The following SLIT3 variants were observed in gnomAD, a reference collection of about 807,000 sequenced individuals.
The protein encoded by SLIT3 is slit guidance ligand 3.
Under a neutral mutation model 184.0 loss-of-function variants are expected in SLIT3, and 68 were observed. The ratio of observed to expected loss-of-function variants is 0.37; its 90% confidence interval spans 0.30 to 0.45. The LOEUF (loss-of-function observed/expected upper bound fraction) is 0.45. SLIT3 is among the 20% of genes least tolerant of loss of function. The pLI, the probability that SLIT3 is intolerant of heterozygous loss-of-function variation, is 1.00. For synonymous variants in SLIT3, 831 were observed against 828.6 expected, an observed-to-expected ratio of 1.00 and a Z score of -0.05; for missense variants, 1,707 against 2,026.0, an observed-to-expected ratio of 0.84 and a Z score of 3.02.
intron 4 of SLIT3, among the ~76,000 whole-genome samples, chr5:169,006,601 T>A (rs534186010): frequency 0.034 from 5,035 of 148,700 alleles, 110 homozygotes; most frequent in Middle Eastern, 0.059. Flanking sequence ...TCTCTCTCTC[T>A]CTCTCACACA....
At chr5:168,911,956 T>C (rs777703935) in intron 4 of SLIT3, among the ~76,000 whole-genome samples, 2 of 152,230 alleles carry the variant, frequency 1.3e-5, no homozygotes, top group Non-Finnish European at 2.9e-5. Context: ...CACTGCCATG[T>C]ATGAAGTATA....
chr5:169,224,377 A>ATTTTTT (rs759020436), intron 3 of SLIT3, among the ~76,000 whole-genome samples: 1 of 90,442 alleles, frequency 1.1e-5, no homozygotes, highest in African/African-American at 3.9e-5. Flanking sequence ...TTATTTATTT[A>ATTTTTT]TTTATTTATT....
intron 4 of SLIT3, among the ~76,000 whole-genome samples, chr5:169,034,912 AGTGTGTGTGTGTGTGTGTGTGTGT>A (rs112102059): frequency 3.8e-5 from 5 of 132,416 alleles, no homozygotes; most frequent in Admixed American, 7.6e-5. Context: ...ACGCCCAGCT[AGTGTGTGTGTGTGTGTGTGTGTGT>A]GTGTGTGTGT....
chr5:169,136,132 T>C (rs982527716), intron 4 of SLIT3, among the ~76,000 whole-genome samples: 2 of 152,172 alleles, frequency 1.3e-5, no homozygotes, highest in Admixed American at 6.5e-5. Flanking sequence ...AGACTGGACA[T>C]CACAGTCAGA....
chr5:169,169,779 TGAG>T (rs1306827266), intron 4 of SLIT3, among the ~76,000 whole-genome samples: 10 of 152,328 alleles, frequency 6.6e-5, no homozygotes, highest in South Asian at 2.1e-4. Flanking sequence ...ACGACCTGAC[TGAG>T]GAGATGAAAT....
intron 3 of SLIT3, among the ~76,000 whole-genome samples, chr5:169,193,990 T>C (rs1763656538): frequency 6.6e-6 from 1 of 151,838 alleles, no homozygotes; most frequent in Non-Finnish European, 1.5e-5. Flanking sequence ...TCCCAGTACT[T>C]TGAGAGGCTG....
At chr5:168,748,193 C>T in intron 20 of SLIT3, 109 bp downstream of exon 20, 5 of 1,274,084 alleles carry the variant, frequency 3.9e-6, no homozygotes, top group South Asian at 2.0e-5. Flanking sequence ...GTAGGGTCTC[C>T]CCCCGGCAGT....
intron 4 of SLIT3, among the ~76,000 whole-genome samples, chr5:168,914,882 G>T (rs1480626742): frequency 6.6e-6 from 1 of 152,036 alleles, no homozygotes; most frequent in Non-Finnish European, 1.5e-5. Flanking sequence ...AGAGGACATT[G>T]GGGGGTAAAA....
chr5:169,033,427 C>T (rs758935572), intron 4 of SLIT3, among the ~76,000 whole-genome samples: 42 of 152,114 alleles, frequency 2.8e-4, no homozygotes, highest in Non-Finnish European at 7.4e-5. Flanking sequence ...CTTTATGAGG[C>T]GGTGATTTCA....
intron 6 of SLIT3, among the ~76,000 whole-genome samples, chr5:168,826,695 C>T (rs1419529469): frequency 6.6e-6 from 1 of 152,210 alleles, no homozygotes; most frequent in Non-Finnish European, 1.5e-5. Flanking sequence ...TTACTGATAA[C>T]TGCTAACATT....
At chr5:168,900,101 A>C (rs146257430) in intron 4 of SLIT3, among the ~76,000 whole-genome samples, 223 of 152,360 alleles carry the variant, frequency 1.5e-3, no homozygotes, top group African/African-American at 4.6e-3. Flanking sequence ...ATCATACCCC[A>C]GTTAGAATGG....
At chr5:168,770,086 C>A (rs1389478477) in intron 14 of SLIT3, among the ~76,000 whole-genome samples, 2 of 152,226 alleles carry the variant, frequency 1.3e-5, no homozygotes, top group African/African-American at 4.8e-5. Context: ...CACCCTGCAA[C>A]TGCCAAGTGC....
At chr5:168,906,820 G>A (rs1761069480) in intron 4 of SLIT3, among the ~76,000 whole-genome samples, 1 of 152,012 alleles carries the variant, frequency 6.6e-6, no homozygotes. Context: ...CTTTGTCCTT[G>A]GGAGCAAGGC....
At chr5:168,763,227 G>A (rs1324624328) in intron 14 of SLIT3, among the ~76,000 whole-genome samples, 2 of 152,068 alleles carry the variant, frequency 1.3e-5, no homozygotes, top group African/African-American at 2.4e-5. Context: ...GTAATAAAAC[G>A]AGTACAGGCC....
intron 32 of SLIT3, among the ~76,000 whole-genome samples, chr5:168,683,124 G>C (rs1230123711): frequency 6.6e-6 from 1 of 152,040 alleles, no homozygotes; most frequent in East Asian, 1.9e-4. Flanking sequence ...CCAGCACTTT[G>C]GGAGGCTGAG....
At chr5:169,271,613 G>A (rs1766618457) in intron 1 of SLIT3, among the ~76,000 whole-genome samples, 1 of 152,158 alleles carries the variant, frequency 6.6e-6, no homozygotes, top group African/African-American at 2.4e-5. Context: ...ACACAAGCAC[G>A]TGGATGGACA....
intron 4 of SLIT3, among the ~76,000 whole-genome samples, chr5:169,064,587 C>T (rs186599936): frequency 1.0e-3 from 153 of 152,348 alleles, no homozygotes; most frequent in Non-Finnish European, 1.8e-3. Flanking sequence ...GGTTCTTCTG[C>T]TGCCAAATTT....
chr5:168,666,628 T>C lies in SLIT3; in HGVS notation c.4398A>G (p.Ser1466=), dbSNP rs374844101. 3.1e-6 allele frequency: 5 copies of C among 1,614,078 alleles called. No individual in the cohort carries two copies. Among genetic ancestry groups the C allele is most frequent in the Admixed American group, 1.7e-5 (1 of 60,008 alleles). ...EVIRRQKGYA[S]CATASKVPIM... ...TGGGCACCTTGGAGGCTGTGGCACA[T>C]GATGCATAACCTTTCTGGCGGCGGA... Residue 1466 remains serine (S), a synonymous_variant, in exon 36 of 36, where the codon TCA becomes TCG. Transcript: ENST00000519560.
At chr5:168,733,023 C>T (rs1763332998) in intron 20 of SLIT3, among the ~76,000 whole-genome samples, 1 of 151,928 alleles carries the variant, frequency 6.6e-6, no homozygotes, top group Non-Finnish European at 1.5e-5. Flanking sequence ...AAACAGACAA[C>T]CTGCAGGATG....
Sources: gnomAD v4.1 joint callset for allele counts (sites outside exome capture counted in the v4.1 genomes callset) on GRCh38, gnomAD v4.1.1 for gene constraint, MANE v1.5 for transcripts, NCBI Gene and HGNC (gene_info 2026-07-23, HGNC 2026-07-21) for gene names.